The following USP36 variants were observed in gnomAD, a reference collection of about 807,000 sequenced individuals.
USP36 encodes ubiquitin carboxyl-terminal hydrolase 36.
Under a neutral mutation model 111.5 loss-of-function variants are expected in USP36, and 59 were observed. The ratio of observed to expected loss-of-function variants is 0.53; its 90% confidence interval spans 0.43 to 0.66. The LOEUF (loss-of-function observed/expected upper bound fraction) is 0.66, where lower values mean the gene tolerates loss of function less well. Among genes scored for constraint, USP36 ranks in the 30% least tolerant of loss-of-function variants. USP36 has a pLI of 0.00. For missense variants in USP36, 1,488 were observed against 1,468.0 expected, an observed-to-expected ratio of 1.01 and a Z score of -0.22; for synonymous variants, 628 against 581.0, an observed-to-expected ratio of 1.08 and a Z score of -1.16.
In USP36 at chr17:78,836,796, C is replaced by T. The variant is rs112631530; in HGVS notation, c.-9-424G>A. ...CACATACAAACTGGTTATACACACA[C>T]GGACACACACACACACACACACAAA... On this transcript the variant is annotated intron_variant, in intron 2 of 20. Transcript: ENST00000449938. Among the ~76,000 whole-genome samples the T allele has an allele frequency of 1.4e-3, 152 of 112,446 alleles. 1 individual carries two copies. Among genetic ancestry groups the T allele is most frequent in the African/African-American group, 5.1e-3 (140 of 27,660 alleles). The allele number at this position is 112,446 out of a possible 152,430, so 73.8% of individuals were successfully genotyped here.
chr17:78,827,270 T>C lies in USP36; in HGVS notation c.664A>G (p.Lys222Glu). 4 of 1,613,928 alleles carry C rather than the reference T, an allele frequency of 2.5e-6. No individual in the cohort carries two copies. The highest frequency in any genetic ancestry group is 1.3e-5 in the African/African-American group (1 of 75,032). Residue 222 changes from lysine (K) to glutamate (E), a missense_variant, in exon 6 of 21, where the codon AAA becomes GAA. Lys to Glu is a moderately conservative substitution (Grantham distance 56, BLOSUM62 1). Transcript: ENST00000449938. ...TTGGCACAGCCATTCAGGCAGGCTT[T>C]CTGCATGGCGTCGATGGTGTACCGC... ...FLRYTIDAMQ[K>E]ACLNGCAKLD...
At chr17:78,830,931 T>G (rs1251473402) in intron 4 of USP36, among the ~76,000 whole-genome samples, 3 of 151,896 alleles carry the variant, frequency 2.0e-5, no homozygotes, top group African/African-American at 7.3e-5. Context: ...TTATGTCATT[T>G]AAAAGAAAAT....
downstream of USP36, among the ~76,000 whole-genome samples, chr17:78,791,232 T>C (rs1473476614): frequency 6.6e-6 from 1 of 151,318 alleles, no homozygotes; most frequent in East Asian, 2.0e-4. Context: ...CCTCCCGGGT[T>C]CAAGCGATTC....
rs375431712 is a variant in USP36, at chr17:78,798,478, C to G, written c.3314G>C (p.Arg1105Pro). The G allele has an allele frequency of 6.2e-7, 1 of 1,614,180 alleles. No individual in the cohort carries two copies. The highest frequency in any genetic ancestry group is 8.5e-7 in the Non-Finnish European group (1 of 1,180,042). ...TGGGTGAGTCACAGACCAGAAGTTC[C>G]GTCGAGTCTGAAGTTTCTGGAAGGC... ...FNAFQKLQTRRNFWSVTHPAK... is the reference protein window; with the variant it reads ...FNAFQKLQTRPNFWSVTHPAK... Residue 1105 changes from arginine (R) to proline (P), a missense_variant, in exon 20 of 21, where the codon CGG (arginine) becomes CCG (proline). By Grantham distance (103) the Arg-to-Pro change is moderately radical (BLOSUM62 -2). This residue lies in a region of USP36 where 1,073 missense variants were observed against 994.1 expected (regional missense o/e 1.08). Coordinates refer to ENST00000449938, the MANE Select transcript of USP36 (RefSeq NM_001385174.1). The surrounding 1 kb of genome is among the most constrained non-coding windows in gnomAD (Gnocchi z 5.1).
At chr17:78,821,273 C>A in intron 7 of USP36, 2 of 502,714 alleles carry the variant, frequency 4.0e-6, no homozygotes, top group Non-Finnish European at 3.6e-6. Context: ...TTTGCACTCA[C>A]AGGGCCCTCC....
intron 17 of USP36, 112 bp downstream of exon 17, chr17:78,802,212 G>A: frequency 1.4e-6 from 1 of 713,916 alleles, no homozygotes; most frequent in Non-Finnish European, 1.8e-6. Flanking sequence ...CCCTCGCCCA[G>A]TGCACGCCCA....
intron 10 of USP36, among the ~76,000 whole-genome samples, 163 bp downstream of exon 10, chr17:78,818,503 GC>G (rs1321303696): frequency 2.6e-5 from 4 of 152,218 alleles, no homozygotes; most frequent in African/African-American, 9.6e-5. Flanking sequence ...CTGGACAAGG[GC>G]GAAACTACAG....
Position 78,803,781 on chromosome 17 carries a change from G to C in USP36, c.2414C>G (p.Pro805Arg), listed in dbSNP as rs756686721. 1.4e-5 allele frequency: 22 copies of C among 1,612,848 alleles called. No homozygotes were observed. The highest frequency in any genetic ancestry group is 1.7e-5 in the Admixed American group (1 of 60,026). The change falls in exon 16 of 21, where the codon CCC becomes CGC. Residue 805 changes from proline (P) to arginine (R), a missense_variant. Around this residue, in one of 3 missense-constraint regions of USP36, gnomAD observed 1,073 missense variants for 994.1 expected, o/e 1.08. Transcript: ENST00000449938. The surrounding 1 kb of genome is among the most constrained non-coding windows in gnomAD (Gnocchi z 4.6). The stretch of plus-strand genomic sequence containing the variant: ...TTTCCTCTTCTCAGAGGGGCTCTGG[G>C]GGGGCTCACTGGCCTCTGGCAACTG... ...PHQLPEASEP[P>R]QSPSEKRKKT...
Position 78,807,228 on chromosome 17 carries a change from C to G in USP36, c.1816G>C (p.Asp606His). Reference protein sequence around the residue: ...LKGNDESAGLDRRGSSSSSPE... With the variant: ...LKGNDESAGLHRRGSSSSSPE... The stretch of plus-strand genomic sequence containing the variant: ...CTGGAGCTGCTGGAGCCCCTCCTGT[C>G]GAGGCCAGCGCTCTCGTCGTTCCCC... The change falls in exon 14 of 21, where the codon GAC becomes CAC. Residue 606 changes from aspartate to histidine, a missense_variant. Physicochemically the swap from Asp to His is moderately conservative, Grantham distance 81. This residue lies in a region of USP36 where 1,073 missense variants were observed against 994.1 expected (regional missense o/e 1.08). Transcript: ENST00000449938. The G allele has an allele frequency of 1.2e-6, 2 of 1,614,030 alleles. No individual in the cohort carries two copies. Among genetic ancestry groups the G allele is most frequent in the Non-Finnish European group, 1.7e-6 (2 of 1,179,962 alleles).
In USP36 at chr17:78,802,407, C is replaced by T. The variant is rs1215527623; in HGVS notation, c.2939G>A (p.Ser980Asn). The change falls in exon 17 of 21, where the codon AGT becomes AAT. Residue 980 changes from serine (S) to asparagine (N), a missense_variant. Physicochemically the swap from Ser to Asn is conservative, Grantham distance 46 (BLOSUM62 1). Coordinates refer to ENST00000449938, the MANE Select transcript of USP36 (RefSeq NM_001385174.1). ...GACAACAGCATCTTGGGGCTTGGCACTCCTTGGGCATTTGAGATGCCCATC... is the reference window on the plus strand; with the variant it reads ...GACAACAGCATCTTGGGGCTTGGCATTCCTTGGGCATTTGAGATGCCCATC... ...EEDGHLKCPR[S>N]AKPQDAVVPE... The T allele has an allele frequency of 6.2e-7, 1 of 1,612,012 alleles. No individual in the cohort carries two copies. Among genetic ancestry groups the T allele is most frequent in the Admixed American group, 1.7e-5 (1 of 59,858 alleles).
At position 78,798,487 on chromosome 17, in the gene USP36, T is replaced by C; in HGVS notation, c.3305A>G (p.Gln1102Arg). 1 of 1,614,238 alleles carries C rather than the reference T, an allele frequency of 6.2e-7. No homozygotes were observed. Among genetic ancestry groups the C allele is most frequent in the Non-Finnish European group, 8.5e-7 (1 of 1,180,048 alleles). ...CACAGACCAGAAGTTCCGTCGAGTC[T>C]GAAGTTTCTGGAAGGCGTTGAAGTT... ...RRNFNAFQKL[Q>R]TRRNFWSVTH... The change falls in exon 20 of 21, where the codon CAG becomes CGG. Residue 1102 changes from glutamine (Q) to arginine (R), a missense_variant. Physicochemically the swap from Gln to Arg is conservative, Grantham distance 43 (BLOSUM62 1). Transcript: ENST00000449938. The surrounding 1 kb of genome is among the most constrained non-coding windows in gnomAD (Gnocchi z 5.1).
Position 78,803,298 on chromosome 17 carries a change from A to C in USP36, c.2810+87T>G. ...AACCACGCAAGCAGACTACGTTTCC[A>C]GACCATACCTACTTGGGGGTAGATT... On this transcript the variant is annotated intron_variant, in intron 16 of 20. Coordinates refer to ENST00000449938, the MANE Select transcript of USP36 (RefSeq NM_001385174.1). The surrounding 1 kb of genome is among the most constrained non-coding windows in gnomAD (Gnocchi z 4.6). 1 of 1,430,980 alleles carries C rather than the reference A, an allele frequency of 7.0e-7. No homozygotes were observed. The highest frequency in any genetic ancestry group is 9.6e-7 in the Non-Finnish European group (1 of 1,044,322). The allele number at this position is 1,430,980 out of a possible 1,614,324, so 88.6% of individuals were successfully genotyped here.
At position 78,821,993 on chromosome 17, in the gene USP36, T is replaced by G; in HGVS notation, c.701A>C (p.Gln234Pro). ...CLNGCAKLDR[Q>P]TQATTLVHQI... Reference sequence around the variant, plus strand: ...ATGGACCAAGGTAGTAGCCTGCGTTTGACGATCCAACCTGAAAAGGAGACC... The same window carrying G: ...ATGGACCAAGGTAGTAGCCTGCGTTGGACGATCCAACCTGAAAAGGAGACC... Residue 234 changes from glutamine to proline, a missense_variant, in exon 7 of 21, where the codon CAA becomes CCA. Coordinates refer to ENST00000449938, the MANE Select transcript of USP36 (RefSeq NM_001385174.1). 1 of 1,614,146 alleles carries G rather than the reference T, an allele frequency of 6.2e-7. No homozygotes were observed. Among genetic ancestry groups the G allele is most frequent in the South Asian group, 1.1e-5 (1 of 91,088 alleles).
rs905098841 is a variant in USP36, at chr17:78,798,439, C to G, written c.3353G>C (p.Ser1118Thr). The G allele has an allele frequency of 3.1e-6, 5 of 1,614,084 alleles. No individual in the cohort carries two copies. In the African/African-American group the frequency reaches 6.7e-5, roughly 22 times the overall value. Reference sequence around the variant, plus strand: ...GCACAGTCAGCGGCGATAGCTGAGGCTGGCAGCCTTTGCTGGGTGAGTCAC... The same window carrying G: ...GCACAGTCAGCGGCGATAGCTGAGGGTGGCAGCCTTTGCTGGGTGAGTCAC... ...WSVTHPAKAA[S>T]LSYRR The change falls in exon 20 of 21, where the codon AGC becomes ACC. Residue 1118 changes from serine to threonine, a missense_variant. Ser to Thr is a moderately conservative substitution (Grantham distance 58, BLOSUM62 1). This residue lies in a region of USP36 where 1,073 missense variants were observed against 994.1 expected (regional missense o/e 1.08). Transcript: ENST00000449938. The surrounding 1 kb of genome is among the most constrained non-coding windows in gnomAD (Gnocchi z 5.1).
intron 13 of USP36, among the ~76,000 whole-genome samples, chr17:78,810,533 G>A (rs2094023556): frequency 6.6e-6 from 1 of 152,034 alleles, no homozygotes; most frequent in Admixed American, 6.6e-5. Context: ...TCCCACATCG[G>A]CTTCCCAAAG....
intron 3 of USP36, among the ~76,000 whole-genome samples, chr17:78,788,905 G>A (rs948850516): frequency 4.6e-5 from 7 of 151,994 alleles, no homozygotes; most frequent in Admixed American, 1.3e-4. Context: ...CTGGCTTCAC[G>A]AAAGAGAGAT....
intron 18 of USP36, 144 bp downstream of exon 18, chr17:78,799,523 G>C (rs1014431029): frequency 1.4e-6 from 1 of 726,522 alleles, no homozygotes; most frequent in African/African-American, 1.8e-5. Context: ...ACTCCAGCCA[G>C]TGTTGAGATT....
In USP36 at chr17:78,807,123, G is replaced by C. The variant is rs1182845052; in HGVS notation, c.1921C>G (p.Gln641Glu). 6.8e-6 allele frequency: 11 copies of C among 1,614,106 alleles called. 1 individual carries two copies. The South Asian group carries it at 1.2e-4, about 18-fold the overall frequency. ...CCAGCGGTGGAACAGTTCGTTTCCT[G>C]AGAATCGCAGAGATGGGCCGCTCCA... The part of the protein sequence containing the change: ...RSGAAHLCDS[Q>E]ETNCSTAGHS... The change falls in exon 14 of 21, where the codon CAG becomes GAG. Residue 641 changes from glutamine to glutamate, a missense_variant. Around this residue, in one of 3 missense-constraint regions of USP36, gnomAD observed 1,073 missense variants for 994.1 expected, o/e 1.08. Coordinates refer to ENST00000449938, the MANE Select transcript of USP36 (RefSeq NM_001385174.1).
chr17:78,816,469 T>G (rs2094192226), intron 10 of USP36, among the ~76,000 whole-genome samples: 2 of 151,948 alleles, frequency 1.3e-5, no homozygotes. Context: ...CTACTAAAAA[T>G]ACAAAATTTA....
Sources: allele counts gnomAD v4.1 joint callset (sites outside exome capture counted in the v4.1 genomes callset), GRCh38; gene constraint gnomAD v4.1.1; regional missense constraint gnomAD v4.1.1; non-coding constraint Gnocchi (gnomAD v3.1); transcripts MANE v1.5; gene names NCBI Gene and HGNC (gene_info 2026-07-23, HGNC 2026-07-21).